Variants in GPR137 observed in about 807,000 individuals in gnomAD.
The protein encoded by GPR137 is G protein-coupled receptor 137.
GPR137 carries 20 observed loss-of-function variants against 38.9 expected under a neutral mutation model. That is an observed-to-expected ratio of 0.51 (90% CI 0.36 to 0.75). The LOEUF (loss-of-function observed/expected upper bound fraction) is 0.75. Among genes scored for constraint, GPR137 ranks in the 30% least tolerant of loss-of-function variants. The pLI is 0.00. For missense variants in GPR137, 456 were observed against 526.4 expected (o/e 0.87, Z 1.31); for synonymous variants, 226 against 235.8 (o/e 0.96, Z 0.38).
Position 64,286,858 on chromosome 11 carries a change from C to T in GPR137, c.334C>T (p.Leu112Phe), listed in dbSNP as rs758043179. The change falls in exon 1 of 7, where the codon CTT becomes TTT. Residue 112 changes from leucine (L) to phenylalanine (F), a missense_variant. Leu to Phe is a conservative substitution (Grantham distance 22). Transcript: ENST00000438980. The part of the protein sequence containing the change: ...PVCLQFFTLT[L>F]MNLYFAQVVF... ...CTGCCTGCAGTTCTTCACCTTGACGCTTATGAACCTCTACTTTGCCCAGGT... is the reference window on the plus strand; with the variant it reads ...CTGCCTGCAGTTCTTCACCTTGACGTTTATGAACCTCTACTTTGCCCAGGT... 1 of 1,600,406 alleles carries T rather than the reference C, an allele frequency of 6.2e-7. No individual in the cohort carries two copies. Among genetic ancestry groups the T allele is most frequent in the Non-Finnish European group, 8.5e-7 (1 of 1,171,068 alleles).
chr11:64,288,262 G>A lies in GPR137; in HGVS notation c.783+48G>A. 1 of 1,609,400 alleles carries A rather than the reference G, an allele frequency of 6.2e-7. No homozygotes were observed. The highest frequency in any genetic ancestry group is 8.5e-7 in the Non-Finnish European group (1 of 1,177,454). ...CCTCCTTAGTAGCCGTGGCACCTTG[G>A]CCCCAGCTGGCCTGGGCCCTGTCCC... On this transcript the variant is annotated intron_variant, in intron 4 of 6. Transcript: ENST00000438980. This position sits in a 1 kb window ranked among gnomAD's most constrained non-coding sequence, Gnocchi z 5.5.
At chr11:64,271,954 G>T, upstream of GPR137, 1 of 518,986 alleles carries the variant, frequency 1.9e-6, no homozygotes, top group Non-Finnish European at 3.0e-6. Context: ...CCAGTCCCTT[G>T]TATGTGAATC....
upstream of GPR137, among the ~76,000 whole-genome samples, chr11:64,273,354 C>T (rs1220187776): frequency 2.0e-5 from 3 of 152,056 alleles, no homozygotes; most frequent in Non-Finnish European, 4.4e-5. Flanking sequence ...GCCTGGGTGG[C>T]AGAGCGAGAC....
At position 64,289,404 on chromosome 11, in the gene GPR137, A is replaced by G. The variant is rs1450766111; in HGVS notation, c.*208A>G. On this transcript the variant is annotated 3_prime_UTR_variant, in exon 7 of 7. Coordinates refer to ENST00000438980, the MANE Select transcript of GPR137 (RefSeq NM_001170880.2). ...GCCCTGGCTGCCAGATGCCCACAGCACCCTGGCATGACCTGCCACCTCTGC... is the reference window on the plus strand; with the variant it reads ...GCCCTGGCTGCCAGATGCCCACAGCGCCCTGGCATGACCTGCCACCTCTGC... 6.5e-7 allele frequency: 1 copy of G among 1,541,796 alleles called. No individual in the cohort carries two copies. Among genetic ancestry groups the G allele is most frequent in the East Asian group, 2.3e-5 (1 of 44,324 alleles).
In GPR137 at chr11:64,289,269, G is replaced by C; in HGVS notation, c.*73G>C. 6.2e-7 allele frequency: 1 copy of C among 1,612,786 alleles called. No homozygotes were observed. The highest frequency in any genetic ancestry group is 8.5e-7 in the Non-Finnish European group (1 of 1,179,790). On this transcript the variant is annotated 3_prime_UTR_variant, in exon 7 of 7. Coordinates refer to ENST00000438980, the MANE Select transcript of GPR137 (RefSeq NM_001170880.2). ...CTAGGCCCCTGTGCCAAGTTTGTCT[G>C]CCGCTTCTTGCCCAGGATCCTGGGG... is the stretch of plus-strand genomic sequence containing the variant.
intron 1 of GPR137, among the ~76,000 whole-genome samples, chr11:64,276,167 G>A (rs2033038531): frequency 6.6e-6 from 1 of 152,090 alleles, no homozygotes; most frequent in African/African-American, 2.4e-5. Context: ...CCTATGGGGT[G>A]GGAGTTTTTC....
Position 64,286,487 on chromosome 11 carries a change from C to T in GPR137, c.-38C>T. 6.3e-7 allele frequency: 1 copy of T among 1,584,376 alleles called. No homozygotes were observed. Among genetic ancestry groups the T allele is most frequent in the Non-Finnish European group, 8.6e-7 (1 of 1,163,698 alleles). On this transcript the variant is annotated 5_prime_UTR_variant, in exon 1 of 7. Coordinates refer to ENST00000438980, the MANE Select transcript of GPR137 (RefSeq NM_001170880.2). ...TTCCCTGGTCCCGCCGACAGTCCCTCCTTGTCTGTCTCCGGGATTCAGGCC... is the reference window on the plus strand; with the variant it reads ...TTCCCTGGTCCCGCCGACAGTCCCTTCTTGTCTGTCTCCGGGATTCAGGCC...
upstream of GPR137, chr11:64,285,298 G>A (rs2033825654): frequency 3.0e-6 from 3 of 985,766 alleles, no homozygotes; most frequent in South Asian, 4.6e-5. Context: ...ATGGCTGCCC[G>A]GGCGCGGGAG....
upstream of GPR137, chr11:64,284,843 C>G: frequency 2.0e-6 from 3 of 1,508,466 alleles, no homozygotes; most frequent in South Asian, 3.7e-5. Context: ...ATCCTTTTTC[C>G]TCCCTCCTTC....
At chr11:64,271,520 C>T (rs1020455358), upstream of GPR137, 56 of 1,278,830 alleles carry the variant, frequency 4.4e-5, no homozygotes, top group African/African-American at 7.8e-4. Flanking sequence ...CGTGGGACTC[C>T]AGATCCGGGC....
upstream of GPR137, among the ~76,000 whole-genome samples, chr11:64,271,428 A>G (rs2032593936): frequency 1.4e-5 from 2 of 142,974 alleles, no homozygotes; most frequent in African/African-American, 2.5e-5. Context: ...AGAGCTGGGG[A>G]GTGGGGGCGG....
Position 64,285,926 on chromosome 11 carries a change from T to A in GPR137, c.-599T>A. 1 of 960,134 alleles carries A rather than the reference T, an allele frequency of 1.0e-6. No individual in the cohort carries two copies. The highest frequency in any genetic ancestry group is 1.2e-6 in the Non-Finnish European group (1 of 807,504). 59.5% of individuals were successfully genotyped at this position (960,134 alleles called of 1,614,324 possible). A position where few individuals can be genotyped will look rare whatever the true frequency, so the allele number is the denominator to read the frequency against. On this transcript the variant is annotated 5_prime_UTR_variant, in exon 1 of 7. Transcript: ENST00000438980. ...CTCTCCCATCAGCGGCCTGAGGACC[T>A]GGCGTCCGCCTCCTCCCTCCCCTTG...
chr11:64,288,947 G>A lies in GPR137; in HGVS notation c.1032-90G>A, dbSNP rs1357648255. 1.1e-4 allele frequency: 153 copies of A among 1,450,128 alleles called. No individual in the cohort carries two copies. The highest frequency in any genetic ancestry group is 7.2e-6 in the Non-Finnish European group (8 of 1,105,802). 89.8% of individuals were successfully genotyped at this position (1,450,128 alleles called of 1,614,324 possible). A position where few individuals can be genotyped will look rare whatever the true frequency, so the allele number is the denominator to read the frequency against. On this transcript the variant is annotated intron_variant, in intron 6 of 6. Transcript: ENST00000438980. This position sits in a 1 kb window ranked among gnomAD's most constrained non-coding sequence, Gnocchi z 5.5. ...GGGCCCCGAAGGTCTAGGTCACAGG[G>A]GTTCTGTTCTAAGCCTGTCTTCCTC... is the stretch of plus-strand genomic sequence containing the variant.
chr11:64,271,796 C>T (rs2032643424), upstream of GPR137: 8 of 1,404,018 alleles, frequency 5.7e-6, no homozygotes, highest in Non-Finnish European at 7.4e-6. Context: ...TCTCCACAGC[C>T]CCAGCGCCTG....
upstream of GPR137, among the ~76,000 whole-genome samples, chr11:64,279,577 C>T (rs1052203146): frequency 2.0e-5 from 3 of 150,964 alleles, no homozygotes; most frequent in Non-Finnish European, 3.0e-5. Context: ...CCAGCCTGGC[C>T]AACATGGTGA....
In GPR137 at chr11:64,286,503, G is replaced by C; in HGVS notation, c.-22G>C. Reference sequence around the variant, plus strand: ...ACAGTCCCTCCTTGTCTGTCTCCGGGATTCAGGCCTCCCTCCCTGACATGG... The same window carrying C: ...ACAGTCCCTCCTTGTCTGTCTCCGGCATTCAGGCCTCCCTCCCTGACATGG... On this transcript the variant is annotated 5_prime_UTR_variant, in exon 1 of 7. Coordinates refer to ENST00000438980, the MANE Select transcript of GPR137 (RefSeq NM_001170880.2). 6.3e-7 allele frequency: 1 copy of C among 1,593,032 alleles called. No individual in the cohort carries two copies. The highest frequency in any genetic ancestry group is 8.6e-7 in the Non-Finnish European group (1 of 1,168,700).
Position 64,286,680 on chromosome 11 carries a change from G to A in GPR137, c.156G>A (p.Gly52=). ...AGCTCTGGCTGGTGCTTCTGTATGG[G>A]CACAAGCGTCTCAGCTATCAGACGG... ...YAQLWLVLLY[G]HKRLSYQTVF... Residue 52 remains glycine (G), a synonymous_variant, in exon 1 of 7, where the codon GGG becomes GGA. Transcript: ENST00000438980. 1 of 1,613,734 alleles carries A rather than the reference G, an allele frequency of 6.2e-7. No individual in the cohort carries two copies. Among genetic ancestry groups the A allele is most frequent in the Non-Finnish European group, 8.5e-7 (1 of 1,179,722 alleles).
upstream of GPR137, among the ~76,000 whole-genome samples, chr11:64,280,394 C>G (rs2033381839): frequency 2.1e-5 from 3 of 143,176 alleles, no homozygotes; most frequent in South Asian, 6.7e-4. Flanking sequence ...CTCTGTCGCC[C>G]AGGCTGGAGT....
upstream of GPR137, chr11:64,284,279 C>T: frequency 6.2e-7 from 1 of 1,611,732 alleles, no homozygotes; most frequent in Non-Finnish European, 8.5e-7. Context: ...AGCCTGAGGG[C>T]CCGTCCCCTG....
Sources: gnomAD v4.1 joint callset for allele counts (sites outside exome capture counted in the v4.1 genomes callset) on GRCh38, gnomAD v4.1.1 for gene constraint, Gnocchi (gnomAD v3.1) non-coding constraint, MANE v1.5 for transcripts, NCBI Gene and HGNC (gene_info 2026-07-23, HGNC 2026-07-21) for gene names.